The following SCHIP1 variants were observed in gnomAD, a reference collection of about 807,000 sequenced individuals.
SCHIP1 encodes schwannomin interacting protein 1.
SCHIP1 carries 8 observed loss-of-function variants against 29.7 expected under a neutral mutation model. The ratio of observed to expected loss-of-function variants is 0.27; its 90% CI spans 0.16 to 0.49. The LOEUF (loss-of-function observed/expected upper bound fraction) is 0.49. Among genes scored for constraint, SCHIP1 ranks in the 20% least tolerant of loss-of-function variants. The probability of loss-of-function intolerance (pLI) is 0.99; values close to 1 mark genes in which losing one functional copy is unlikely to be tolerated. For synonymous variants in SCHIP1, 76 were observed against 94.9 expected, an observed-to-expected ratio of 0.80 and a Z score of 1.16; for missense variants, 193 against 294.6, an observed-to-expected ratio of 0.66 and a Z score of 2.52.
chr3:159,717,152 A>G, the SCHIP1 span, among the ~76,000 whole-genome samples: 1 of 152,238 alleles, frequency 6.6e-6, no homozygotes, highest in Non-Finnish European at 1.5e-5. Flanking sequence ...AACAAAATGA[A>G]GGCAGAAATA....
chr3:159,401,032 C>A, the SCHIP1 span: 1 of 206,536 alleles, frequency 4.8e-6, no homozygotes, highest in Non-Finnish European at 8.5e-6. Context: ...TACAAATATC[C>A]TAACCCTGTA....
chr3:159,427,988 C>A, the SCHIP1 span, among the ~76,000 whole-genome samples: 2,921 of 152,038 alleles, frequency 0.019, 222 homozygotes, highest in East Asian at 0.28. Flanking sequence ...AACTGGCTAG[C>A]CATATGTAGA....
At chr3:159,837,016 A>G (rs761901135), upstream of SCHIP1, among the ~76,000 whole-genome samples, 21 of 152,068 alleles carry the variant, frequency 1.4e-4, no homozygotes, top group Non-Finnish European at 1.5e-4. Context: ...GATTTGGGAT[A>G]CAATTGTCAG....
the SCHIP1 span, among the ~76,000 whole-genome samples, chr3:159,309,522 C>T: frequency 6.6e-5 from 10 of 152,130 alleles, no homozygotes; most frequent in Middle Eastern, 3.2e-3. Flanking sequence ...TATGGGTATG[C>T]AGAATCATGC....
the SCHIP1 span, among the ~76,000 whole-genome samples, chr3:159,505,973 G>C: frequency 1.3e-5 from 2 of 152,086 alleles, no homozygotes; most frequent in Admixed American, 1.3e-4. Context: ...ATAATCCTTT[G>C]GGTATATACC....
chr3:159,884,349 C>CTG (rs10661642), intron 2 of SCHIP1, among the ~76,000 whole-genome samples: 34,265 of 140,416 alleles, frequency 0.24, 3,590 homozygotes, highest in East Asian at 0.3. Context: ...GTGTCTGTGT[C>CTG]TGTGTGTGTG....
the SCHIP1 span, among the ~76,000 whole-genome samples, chr3:159,473,674 G>GAAAAAAAAAAAAAAAAAAAAGAAAAAAAA: frequency 1.2e-5 from 1 of 81,442 alleles, no homozygotes; most frequent in Non-Finnish European, 2.4e-5. Flanking sequence ...ATGTAACTAC[G>GAAAAAAAAAAAAAAAAAAAAGAAAAAAAA]AAAAAAAAAA....
chr3:159,621,732 C>G, the SCHIP1 span, among the ~76,000 whole-genome samples: 4 of 151,758 alleles, frequency 2.6e-5, no homozygotes, highest in African/African-American at 9.7e-5. Flanking sequence ...ATGGTATGAT[C>G]TCGTCCCACT....
At chr3:159,864,470 TACACACACAC>T (rs58371525) in intron 1 of SCHIP1, among the ~76,000 whole-genome samples, 265 of 139,902 alleles carry the variant, frequency 1.9e-3, no homozygotes, top group East Asian at 4.3e-3. Flanking sequence ...ATGGCTGTAC[TACACACACAC>T]ACACACACAC....
chr3:159,737,177 G>A, the SCHIP1 span, among the ~76,000 whole-genome samples: 68 of 152,144 alleles, frequency 4.5e-4, no homozygotes, highest in African/African-American at 1.5e-3. Context: ...CCTTGTTTTC[G>A]GCCTGATTAA....
chr3:159,343,464 C>T, the SCHIP1 span, among the ~76,000 whole-genome samples: 1 of 152,208 alleles, frequency 6.6e-6, no homozygotes, highest in African/African-American at 2.4e-5. Context: ...CTGGGCTTGG[C>T]TTCAGGCTTA....
the SCHIP1 span, among the ~76,000 whole-genome samples, chr3:159,290,085 T>C: frequency 6.6e-6 from 1 of 152,062 alleles, no homozygotes; most frequent in East Asian, 1.9e-4. Flanking sequence ...GACGATGACA[T>C]TGGTAATGGG....
the SCHIP1 span, among the ~76,000 whole-genome samples, chr3:159,787,620 T>C: frequency 6.6e-6 from 1 of 152,228 alleles, no homozygotes; most frequent in Non-Finnish European, 1.5e-5. Flanking sequence ...GTCATTCGCC[T>C]ACTTAAACCT....
chr3:159,446,533 A>ATTGTTGCATTACAGCCATACAG, the SCHIP1 span, among the ~76,000 whole-genome samples: 35 of 140,318 alleles, frequency 2.5e-4, no homozygotes, highest in Non-Finnish European at 5.0e-4. Flanking sequence ...CAGCAATACA[A>ATTGTTGCATTACAGCCATACAG]TATTGTTGCA....
At chr3:159,545,925 T>A in the SCHIP1 span, among the ~76,000 whole-genome samples, 4 of 151,668 alleles carry the variant, frequency 2.6e-5, no homozygotes, top group African/African-American at 7.3e-5. Context: ...CCACTTCAAG[T>A]CTTTTAAACA....
At chr3:159,285,797 A>G in the SCHIP1 span, among the ~76,000 whole-genome samples, 1 of 152,124 alleles carries the variant, frequency 6.6e-6, no homozygotes, top group Non-Finnish European at 1.5e-5. Context: ...TTCAATAAAC[A>G]TTTGTTGAGG....
chr3:159,570,043 G>A, the SCHIP1 span, among the ~76,000 whole-genome samples: 282 of 152,208 alleles, frequency 1.9e-3, 2 homozygotes, highest in African/African-American at 6.4e-3. Context: ...CTGGATATTA[G>A]CCCTTTGTCA....
At chr3:159,620,200 T>C in the SCHIP1 span, among the ~76,000 whole-genome samples, 2 of 152,294 alleles carry the variant, frequency 1.3e-5, no homozygotes, top group East Asian at 3.9e-4. Context: ...TTTTGAAGCA[T>C]AACACTTCAT....
the SCHIP1 span, among the ~76,000 whole-genome samples, chr3:159,711,163 G>A: frequency 1.3e-5 from 2 of 151,712 alleles, no homozygotes; most frequent in African/African-American, 2.4e-5. Context: ...GGGACATTTC[G>A]GAGTATGTTC....
Sources: gnomAD v4.1 joint callset for allele counts (sites outside exome capture counted in the v4.1 genomes callset) on GRCh38, gnomAD v4.1.1 for gene constraint, MANE v1.5 for transcripts, NCBI Gene and HGNC (gene_info 2026-07-23, HGNC 2026-07-21) for gene names.